CLK4: variants seen among roughly 807,000 people sequenced by gnomAD.
The protein encoded by CLK4 is dual specificity protein kinase CLK4.
A neutral mutation model predicts 64.4 loss-of-function variants in CLK4; 37 were observed. The ratio of observed to expected loss-of-function variants is 0.57; its 90% confidence interval spans 0.44 to 0.76. The LOEUF (loss-of-function observed/expected upper bound fraction) is 0.76. Ranked by LOEUF, CLK4 falls within the 30% of genes least tolerant of loss-of-function variation. The pLI, the probability that CLK4 is intolerant of heterozygous loss-of-function variation, is 0.00. For missense variants in CLK4, 457 were observed against 605.1 expected (o/e 0.76, Z 2.57); for synonymous variants, 175 against 191.6 (o/e 0.91, Z 0.72).
intron 2 of CLK4, among the ~76,000 whole-genome samples, chr5:178,621,132 G>C (rs1349956796): frequency 6.6e-6 from 1 of 152,192 alleles, no homozygotes; most frequent in Admixed American, 6.5e-5. Context: ...AGGCTAAAGA[G>C]TATTATTTCT....
chr5:178,608,400 A>G lies in CLK4; in HGVS notation c.1110T>C (p.Tyr370=). The change falls in exon 10 of 13, where the codon TAT becomes TAC. Residue 370 remains tyrosine, a synonymous_variant. Transcript: ENST00000316308. ...VWSIGCILIE[Y]YLGFTVFQTH... is the part of the protein sequence containing the mutation. ...CCTGAAAGACTGTGAAACCAAGGTA[A>G]TATTCAATAAGAATGCAACCTATGC... is the stretch of plus-strand genomic sequence containing the variant. The G allele has an allele frequency of 3.1e-6, 5 of 1,609,154 alleles. No homozygotes were observed. Among genetic ancestry groups the G allele is most frequent in the Non-Finnish European group, 4.2e-6 (5 of 1,177,928 alleles).
rs1173034603 is a variant in CLK4 at position 178,603,459 on chromosome 5, A to G, written c.*158T>C. ...GCATTATCAAGACCATACTTGCTTAACAAGTTAATTATGCTATTGATACAA... is the reference window on the plus strand; with the variant it reads ...GCATTATCAAGACCATACTTGCTTAGCAAGTTAATTATGCTATTGATACAA... On this transcript the variant is annotated 3_prime_UTR_variant, in exon 13 of 13. Transcript: ENST00000316308. 1 of 468,590 alleles carries G rather than the reference A, an allele frequency of 2.1e-6. No individual in the cohort carries two copies. The highest frequency in any genetic ancestry group is 2.0e-5 in the African/African-American group (1 of 49,550). The allele number at this position is 468,590 out of a possible 1,614,324, so 29.0% of individuals were successfully genotyped here.
intron 8 of CLK4, 50 bp downstream of exon 8, chr5:178,612,746 A>C: frequency 8.5e-7 from 1 of 1,173,458 alleles, no homozygotes; most frequent in Non-Finnish European, 1.2e-6. Flanking sequence ...TCATCAAGTT[A>C]AATTAATTTT....
chr5:178,616,756 A>G, intron 5 of CLK4, 126 bp downstream of exon 5: 1 of 689,532 alleles, frequency 1.5e-6, no homozygotes, highest in Non-Finnish European at 2.5e-6. Context: ...AGATAGCACC[A>G]CTGCACTCAA....
Position 178,617,117 on chromosome 5 carries a change from T to C in CLK4, c.476-169A>G. On this transcript the variant is annotated intron_variant, in intron 4 of 12. Coordinates refer to ENST00000316308, the MANE Select transcript of CLK4 (RefSeq NM_020666.3). This position sits in a 1 kb window ranked among gnomAD's most constrained non-coding sequence, Gnocchi z 5.2. ...TTCAGCTGCTACAAAAACAATTAGA[T>C]AGAGCTATCTTTCTTGCTCTAATCT... The C allele has an allele frequency of 3.1e-6, 2 of 645,062 alleles. No homozygotes were observed. Among genetic ancestry groups the C allele is most frequent in the Non-Finnish European group, 2.7e-6 (1 of 365,342 alleles). 40.0% of individuals were successfully genotyped at this position (645,062 alleles called of 1,614,324 possible).
At chr5:178,613,443 T>TAAAA (rs781398375) in intron 7 of CLK4, 30 bp downstream of exon 7, 15 of 1,313,578 alleles carry the variant, frequency 1.1e-5, no homozygotes, top group Non-Finnish European at 1.5e-5. Context: ...AATAAATAAA[T>TAAAA]AAAAATAAAG....
chr5:178,617,425 G>A lies in CLK4; in HGVS notation c.394C>T (p.Arg132Ter). The A allele has an allele frequency of 1.2e-5, 19 of 1,613,320 alleles. No individual in the cohort carries two copies. The highest frequency in any genetic ancestry group is 1.5e-5 in the Non-Finnish European group (18 of 1,179,530). ...SSHQSRSKSH[R>*]RKRSRSIEDD... ...TCTATACTCCTGGATCTTTTCCTTC[G>A]GTGGCTCTTCTGGAACGGCAAGTGG... The change falls in exon 4 of 13, where the codon CGA becomes TGA. Residue 132 changes from arginine (R) to a stop codon, truncating the protein, a stop_gained. Coordinates refer to ENST00000316308, the MANE Select transcript of CLK4 (RefSeq NM_020666.3). LOFTEE classifies it high-confidence loss of function. This position sits in a 1 kb window ranked among gnomAD's most constrained non-coding sequence, Gnocchi z 5.2.
In CLK4 at chr5:178,612,019, G is replaced by C. The variant is rs189665962; in HGVS notation, c.1051+397C>G. The stretch of plus-strand genomic sequence containing the variant: ...CTTAGAGAAGCCTCTTTCTTCTCTT[G>C]ACCTTTATCCATCCTATATTCTAGA... On this transcript the variant is annotated intron_variant, in intron 9 of 12. Transcript: ENST00000316308. 2.0e-5 allele frequency among the ~76,000 whole-genome samples: 3 copies of C among 152,230 alleles called. No homozygotes were observed. The East Asian group carries it at 5.8e-4, about 29-fold the overall frequency.
chr5:178,625,418 G>A (rs1032786185), intron 1 of CLK4, among the ~76,000 whole-genome samples: 4 of 81,102 alleles, frequency 4.9e-5, no homozygotes, highest in African/African-American at 2.1e-4. Context: ...GTGAGACCCT[G>A]TCTCAAAAAA....
chr5:178,623,748 G>T (rs1022709436), intron 1 of CLK4, among the ~76,000 whole-genome samples: 1 of 151,872 alleles, frequency 6.6e-6, no homozygotes, highest in Non-Finnish European at 1.5e-5. Context: ...AAAAAGCCGG[G>T]GGGGGCAAAT....
rs1485919730 is a variant in CLK4, at chr5:178,613,647, A to G, written c.660-8T>C. On this transcript the variant is annotated splice_polypyrimidine_tract_variant and splice_region_variant and intron_variant, in intron 6 of 12. Coordinates refer to ENST00000316308, the MANE Select transcript of CLK4 (RefSeq NM_020666.3). ...AGCATCTGGACACATCGGCTAAAACAGAGCAAAATAATAATTCAGTTTATG... is the reference window on the plus strand; with the variant it reads ...AGCATCTGGACACATCGGCTAAAACGGAGCAAAATAATAATTCAGTTTATG... 6.2e-7 allele frequency: 1 copy of G among 1,607,508 alleles called. No homozygotes were observed. Among genetic ancestry groups the G allele is most frequent in the Non-Finnish European group, 8.5e-7 (1 of 1,176,716 alleles).
rs950864507 is a variant in CLK4, at chr5:178,605,483, C to A, written c.1135-101G>T. 72 of 613,768 alleles carry A rather than the reference C, an allele frequency of 1.2e-4. No individual in the cohort carries two copies. The African/African-American group carries it at 1.3e-3, about 11-fold the overall frequency. The allele number at this position is 613,768 out of a possible 1,614,324, so 38.0% of individuals were successfully genotyped here. A position where few individuals can be genotyped will look rare whatever the true frequency, so the allele number is the denominator to read the frequency against. On this transcript the variant is annotated intron_variant, in intron 10 of 12. Coordinates refer to ENST00000316308, the MANE Select transcript of CLK4 (RefSeq NM_020666.3). ...TTAGTTTCCTTCTTTATTTGCACTT[C>A]TTACACTGTTTAAAGAATAACTGGG...
chr5:178,616,014 T>C (rs1351259050), intron 5 of CLK4, among the ~76,000 whole-genome samples: 9 of 152,260 alleles, frequency 5.9e-5, no homozygotes, highest in Admixed American at 5.9e-4. Flanking sequence ...TCTGGAGTTC[T>C]GGGAAATTCC....
rs758310931 is a variant in CLK4 at position 178,612,900 on chromosome 5, AAC to A, written c.827-12_827-11del. 2 of 1,341,586 alleles carry A rather than the reference AAC, an allele frequency of 1.5e-6. No homozygotes were observed. The highest frequency in any genetic ancestry group is 2.5e-5 in the South Asian group (2 of 80,400). The allele number at this position is 1,341,586 out of a possible 1,614,324, so 83.1% of individuals were successfully genotyped here. Reference sequence around the variant, plus strand: ...TTATTATGATGTAAAACTACAAGAGAACAAAAGCACATTATTAGTTTCACTTA... The same window carrying A: ...TTATTATGATGTAAAACTACAAGAGAAAAAGCACATTATTAGTTTCACTTA... On this transcript the variant is annotated splice_polypyrimidine_tract_variant and intron_variant, in intron 7 of 12. Transcript: ENST00000316308.
intron 8 of CLK4, 80 bp from the exon 9 acceptor site, chr5:178,612,625 AT>A: frequency 7.0e-7 from 1 of 1,422,454 alleles, no homozygotes; most frequent in African/African-American, 1.4e-5. Flanking sequence ...CACATGAATT[AT>A]CTTCTTGATT....
intron 9 of CLK4, 69 bp downstream of exon 9, chr5:178,612,347 C>G: frequency 7.2e-7 from 1 of 1,381,262 alleles, no homozygotes; most frequent in Non-Finnish European, 9.8e-7. Context: ...CCCCACCCCA[C>G]CAGTAAAGCT....
Position 178,623,284 on chromosome 5 carries a change from G to A in CLK4, c.133C>T (p.Pro45Ser). 1 of 1,613,798 alleles carries A rather than the reference G, an allele frequency of 6.2e-7. No individual in the cohort carries two copies. Among genetic ancestry groups the A allele is most frequent in the Non-Finnish European group, 8.5e-7 (1 of 1,179,846 alleles). ...TCAGATTCTTTAAACTGGTGATGTG[G>A]TTTACAATGCCTGTTCTCTTGTGTG... ...SSTQENRHCK[P>S]HHQFKESDCH... Residue 45 changes from proline (P) to serine (S), a missense_variant, in exon 2 of 13, where the codon CCA becomes TCA. Transcript: ENST00000316308.
At position 178,603,523 on chromosome 5, in the gene CLK4, A is replaced by C; in HGVS notation, c.*94T>G. 1.2e-6 allele frequency: 1 copy of C among 868,470 alleles called. No individual in the cohort carries two copies. Among genetic ancestry groups the C allele is most frequent in the Non-Finnish European group, 1.7e-6 (1 of 605,032 alleles). 53.8% of individuals were successfully genotyped at this position (868,470 alleles called of 1,614,324 possible). On this transcript the variant is annotated 3_prime_UTR_variant, in exon 13 of 13. Coordinates refer to ENST00000316308, the MANE Select transcript of CLK4 (RefSeq NM_020666.3). ...TACACTTAACTGTACAAAATAATTT[A>C]ATGTTTACAAAAATATTAGAATGTT...
chr5:178,619,034 T>C (rs1764667927), intron 2 of CLK4, among the ~76,000 whole-genome samples: 1 of 152,360 alleles, frequency 6.6e-6, no homozygotes, highest in South Asian at 2.1e-4. Flanking sequence ...AAATCATTAA[T>C]TCATGTCTAG....
Sources: gnomAD v4.1 joint callset for allele counts (sites outside exome capture counted in the v4.1 genomes callset) on GRCh38, gnomAD v4.1.1 for gene constraint, Gnocchi (gnomAD v3.1) non-coding constraint, MANE v1.5 for transcripts, NCBI Gene and HGNC (gene_info 2026-07-23, HGNC 2026-07-21) for gene names.